Variants in WDR41 observed in about 807,000 individuals in gnomAD.
WDR41 encodes WD repeat-containing protein 41.
A neutral mutation model predicts 69.3 loss-of-function variants in WDR41; 63 were observed. That is an observed-to-expected ratio of 0.91 (90% CI 0.74 to 1.12). The LOEUF is 1.12. WDR41 is among the 50% of genes most tolerant of loss of function. The pLI, the probability that WDR41 is intolerant of heterozygous loss-of-function variation, is 0.00. For synonymous variants in WDR41, 185 were observed against 192.1 expected, an observed-to-expected ratio of 0.96 and a Z score of 0.31; for missense variants, 543 against 534.5, an observed-to-expected ratio of 1.02 and a Z score of -0.16.
At chr5:77,467,381 T>C (rs1800352559) in intron 2 of WDR41, among the ~76,000 whole-genome samples, 1 of 151,992 alleles carries the variant, frequency 6.6e-6, no homozygotes, top group African/African-American at 2.4e-5. Flanking sequence ...ACACCTTACA[T>C]GTGGTTCTTG....
rs574315787 is a variant in WDR41, at chr5:77,431,332, T to G, written c.*1803A>C. The G allele has an allele frequency of 4.6e-5, 7 of 152,370 alleles. No individual in the cohort carries two copies. The highest frequency in any genetic ancestry group is 1.3e-4 in the Admixed American group (2 of 15,252). 9.4% of individuals were successfully genotyped at this position (152,370 alleles called of 1,614,324 possible). ...CAAGACCCTCCACCAGCAAAAAGAT[T>G]ATGACTCGCTGAAGGCTCAGATGAT... On this transcript the variant is annotated 3_prime_UTR_variant, in exon 13 of 13. Transcript: ENST00000296679.
chr5:77,558,094 T>TAAAAAAAAAAAAAAAAAAA (rs71608105), intron 1 of WDR41, among the ~76,000 whole-genome samples: 2 of 104,306 alleles, frequency 1.9e-5, no homozygotes, highest in African/African-American at 7.2e-5. Flanking sequence ...ATGTTCTTTT[T>TAAAAAAAAAAAAAAAAAAA]AAAAAAAAAA....
chr5:77,527,361 T>C (rs1802463985), intron 1 of WDR41, among the ~76,000 whole-genome samples: 1 of 151,892 alleles, frequency 6.6e-6, no homozygotes, highest in Non-Finnish European at 1.5e-5. Flanking sequence ...TATCAAGCAG[T>C]CATATTTAAG....
intron 2 of WDR41, among the ~76,000 whole-genome samples, chr5:77,486,664 G>A (rs193290435): frequency 1.3e-5 from 2 of 152,260 alleles, no homozygotes; most frequent in Admixed American, 6.5e-5. Flanking sequence ...ACCACATGGA[G>A]GGAGACCACA....
chr5:77,440,938 A>AG lies in WDR41; in HGVS notation c.756dup (p.Trp253LeufsTer7). On this transcript the variant is annotated frameshift_variant, in exon 9 of 13. Transcript: ENST00000296679. LOFTEE classifies it high-confidence loss of function. The stretch of plus-strand genomic sequence containing the variant: ...TTGCGTTCATAGGCCTGCATGGTCC[A>AG]GTCCAGGGCATCCCAGATGATCAGC... The AG allele has an allele frequency of 6.2e-7, 1 of 1,614,198 alleles. No homozygotes were observed. The highest frequency in any genetic ancestry group is 8.5e-7 in the Non-Finnish European group (1 of 1,180,034).
At chr5:77,550,792 A>C (rs1324528833) in intron 1 of WDR41, among the ~76,000 whole-genome samples, 3 of 152,230 alleles carry the variant, frequency 2.0e-5, no homozygotes, top group African/African-American at 7.2e-5. Context: ...TCATATGTTC[A>C]TCACAGCACT....
chr5:77,551,509 C>T (rs1020700800), intron 1 of WDR41, among the ~76,000 whole-genome samples: 3 of 143,110 alleles, frequency 2.1e-5, no homozygotes, highest in African/African-American at 8.7e-5. Flanking sequence ...GAAACCCTGT[C>T]GCTACTAAAA....
At chr5:77,475,916 A>G (rs186081620) in intron 2 of WDR41, among the ~76,000 whole-genome samples, 245 of 152,200 alleles carry the variant, frequency 1.6e-3, no homozygotes, top group African/African-American at 5.3e-3. Flanking sequence ...GAAGTTGAAA[A>G]CTTTGAAAAA....
At chr5:77,575,308 T>A (rs1391423716) in intron 1 of WDR41, among the ~76,000 whole-genome samples, 2 of 152,162 alleles carry the variant, frequency 1.3e-5, no homozygotes, top group Non-Finnish European at 2.9e-5. Flanking sequence ...AACTTTGCAA[T>A]GAGATAATTT....
intron 1 of WDR41, chr5:77,545,755 G>T: frequency 1.5e-6 from 1 of 683,876 alleles, no homozygotes; most frequent in Non-Finnish European, 2.4e-6. Flanking sequence ...GGCGTTTGTT[G>T]CCTTGACTAC....
chr5:77,432,704 A>C lies in WDR41; in HGVS notation c.*431T>G, dbSNP rs929039619. On this transcript the variant is annotated 3_prime_UTR_variant, in exon 13 of 13. Coordinates refer to ENST00000296679, the MANE Select transcript of WDR41 (RefSeq NM_018268.4). ...TGGCTGAGAGATTCAAGTTTGTGCT[A>C]TATAGAACACTAACAGTTACTAAAG... The C allele has an allele frequency of 6.5e-6, 1 of 154,658 alleles. No individual in the cohort carries two copies. Among genetic ancestry groups the C allele is most frequent in the Non-Finnish European group, 1.4e-5 (1 of 69,848 alleles). 9.6% of individuals were successfully genotyped at this position (154,658 alleles called of 1,614,324 possible). A position where few individuals can be genotyped will look rare whatever the true frequency, so the allele number is the denominator to read the frequency against.
intron 2 of WDR41, among the ~76,000 whole-genome samples, chr5:77,485,509 A>C (rs574379379): frequency 1.3e-5 from 2 of 152,326 alleles, no homozygotes; most frequent in African/African-American, 4.8e-5. Flanking sequence ...CTTTCCAGTC[A>C]TGATCACCAT....
intron 1 of WDR41, among the ~76,000 whole-genome samples, chr5:77,600,960 TGTGTAA>T (rs1350196521): frequency 6.6e-6 from 1 of 151,522 alleles, no homozygotes; most frequent in African/African-American, 2.4e-5. Flanking sequence ...TGTGTGTGTG[TGTGTAA>T]GGCCATAAAC....
chr5:77,542,452 A>G (rs1743108052), intron 1 of WDR41, among the ~76,000 whole-genome samples: 1 of 152,222 alleles, frequency 6.6e-6, no homozygotes. Flanking sequence ...TGGAAATTAA[A>G]AAAGGGATAA....
At chr5:77,528,269 G>A (rs923778207) in intron 1 of WDR41, among the ~76,000 whole-genome samples, 1 of 151,628 alleles carries the variant, frequency 6.6e-6, no homozygotes, top group Admixed American at 6.6e-5. Flanking sequence ...TTAAGAGGTG[G>A]CTACTAACAA....
chr5:77,574,313 T>A (rs374103742), intron 1 of WDR41, among the ~76,000 whole-genome samples: 1 of 151,644 alleles, frequency 6.6e-6, no homozygotes, highest in Non-Finnish European at 1.5e-5. Flanking sequence ...AAATAAATAA[T>A]AAATAAATAA....
intron 1 of WDR41, among the ~76,000 whole-genome samples, chr5:77,517,360 T>C (rs190803753): frequency 1.8e-4 from 27 of 152,066 alleles, no homozygotes; most frequent in Non-Finnish European, 4.0e-4. Context: ...GCAGATGCTA[T>C]AGTGACTAGC....
At chr5:77,595,338 C>T (rs1744208767) in intron 1 of WDR41, among the ~76,000 whole-genome samples, 1 of 151,984 alleles carries the variant, frequency 6.6e-6, no homozygotes, top group Admixed American at 6.6e-5. Flanking sequence ...ATTTTATGTA[C>T]GTTATTTTTC....
At chr5:77,592,292 C>A (rs2112309216) in intron 1 of WDR41, among the ~76,000 whole-genome samples, 1 of 152,156 alleles carries the variant, frequency 6.6e-6, no homozygotes, top group Non-Finnish European at 1.5e-5. Context: ...GTTTATCTTT[C>A]AATTATTTAT....
Sources: gnomAD v4.1 joint callset for allele counts (sites outside exome capture counted in the v4.1 genomes callset) on GRCh38, gnomAD v4.1.1 for gene constraint, MANE v1.5 for transcripts, NCBI Gene and HGNC (gene_info 2026-07-23, HGNC 2026-07-21) for gene names.